Variants in GALNT14 observed in about 807,000 individuals in gnomAD.
GALNT14 encodes the protein UDP-GalNAc:polypeptide N-acetylgalactosaminyltransferase 14.
Under a neutral mutation model 77.5 loss-of-function variants are expected in GALNT14, and 60 were observed. That is an observed-to-expected ratio of 0.77 (90% CI 0.63 to 0.96). GALNT14 has a LOEUF of 0.96. Among genes scored for constraint, GALNT14 ranks in the 40% least tolerant of loss-of-function variants. The pLI, the probability that GALNT14 is intolerant of heterozygous loss-of-function variation, is 0.00. For synonymous variants in GALNT14, 280 were observed against 281.7 expected (o/e 0.99, Z 0.06); for missense variants, 710 against 731.0 (o/e 0.97, Z 0.33).
intron 14 of GALNT14, 142 bp downstream of exon 14, chr2:30,912,081 A>T: frequency 5.9e-6 from 6 of 1,010,830 alleles, no homozygotes; most frequent in Non-Finnish European, 8.8e-6. Flanking sequence ...CCCAGGCAGC[A>T]CTTTCCCTCC....
chr2:31,086,363 T>C (rs1366134652), intron 1 of GALNT14, among the ~76,000 whole-genome samples: 2 of 152,206 alleles, frequency 1.3e-5, no homozygotes. Flanking sequence ...GTCTCAGCCA[T>C]GCTCCTCATC....
At chr2:30,929,819 A>G (rs1188219103) in intron 10 of GALNT14, among the ~76,000 whole-genome samples, 1 of 152,190 alleles carries the variant, frequency 6.6e-6, no homozygotes, top group African/African-American at 2.4e-5. Flanking sequence ...TGGGGATGGG[A>G]CTCACATCTA....
At chr2:31,007,264 T>G (rs1269937673) in intron 1 of GALNT14, among the ~76,000 whole-genome samples, 5 of 151,848 alleles carry the variant, frequency 3.3e-5, no homozygotes, top group Non-Finnish European at 7.4e-5. Context: ...CTGGGAGAAA[T>G]CCTACATGCC....
At chr2:30,987,097 A>G (rs2886300) in intron 2 of GALNT14, 108,132 of 152,098 alleles carry the variant, frequency 0.71, 39,340 homozygotes, top group African/African-American at 0.87. Flanking sequence ...GAGGCTGAGA[A>G]GAGCAGGGAT....
At chr2:30,906,202 C>A (rs1374973421), downstream of GALNT14, among the ~76,000 whole-genome samples, 5 of 149,912 alleles carry the variant, frequency 3.3e-5, no homozygotes, top group Non-Finnish European at 7.4e-5. Flanking sequence ...ATCAAATTCA[C>A]ACATAACAAT....
intron 1 of GALNT14, among the ~76,000 whole-genome samples, chr2:31,058,323 A>G (rs929158808): frequency 4.6e-5 from 7 of 151,986 alleles, no homozygotes; most frequent in African/African-American, 1.7e-4. Flanking sequence ...TGGGCGAATT[A>G]GGTGGGACAG....
chr2:30,974,778 C>A (rs1668542157), intron 2 of GALNT14, among the ~76,000 whole-genome samples: 1 of 152,222 alleles, frequency 6.6e-6, no homozygotes, highest in East Asian at 1.9e-4. Flanking sequence ...TCTGTCTCCT[C>A]TACCGACTGT....
chr2:31,035,285 T>C (rs1020305228), intron 1 of GALNT14, among the ~76,000 whole-genome samples: 4 of 152,184 alleles, frequency 2.6e-5, no homozygotes. Context: ...TGCCATTAGA[T>C]GCATATATGT....
intron 2 of GALNT14, among the ~76,000 whole-genome samples, chr2:30,981,434 G>A (rs776611893): frequency 5.3e-5 from 8 of 152,192 alleles, no homozygotes; most frequent in Non-Finnish European, 1.0e-4. Flanking sequence ...TAATAGGTCC[G>A]GGGCTTTCAG....
intron 13 of GALNT14, 122 bp from the exon 14 acceptor site, chr2:30,912,464 G>T: frequency 9.1e-7 from 1 of 1,093,648 alleles, no homozygotes; most frequent in Non-Finnish European, 1.3e-6. Context: ...GTCCCAGTAG[G>T]CAATGATCAT....
intron 1 of GALNT14, among the ~76,000 whole-genome samples, chr2:31,089,537 T>A (rs1676624525): frequency 6.6e-6 from 1 of 151,028 alleles, no homozygotes; most frequent in African/African-American, 2.4e-5. Context: ...TTTGGATTTA[T>A]TTTTTTTTCT....
In GALNT14 at chr2:31,043,573, G is replaced by C. The variant is rs116853250; in HGVS notation, c.130-50566C>G. Among the ~76,000 whole-genome samples, 165 of 152,234 alleles carry C rather than the reference G, an allele frequency of 1.1e-3. 8 individuals carry two copies. In the East Asian group the frequency reaches 0.025, roughly 23 times the overall value. On this transcript the variant is annotated intron_variant, in intron 1 of 14. Coordinates refer to ENST00000349752, the MANE Select transcript of GALNT14 (RefSeq NM_024572.4). ...GAAGCAATGGATCTGGTCCCTGCAGGGGCCATGGTCTGGCTGTGGGGCTCC... is the reference window on the plus strand; with the variant it reads ...GAAGCAATGGATCTGGTCCCTGCAGCGGCCATGGTCTGGCTGTGGGGCTCC...
chr2:30,978,197 C>G (rs765907625), intron 2 of GALNT14, among the ~76,000 whole-genome samples: 16 of 152,230 alleles, frequency 1.1e-4, no homozygotes, highest in Admixed American at 5.9e-4. Context: ...CCACAAACCT[C>G]CCTAGATTCT....
chr2:30,905,496 C>A (rs991970700), downstream of GALNT14, among the ~76,000 whole-genome samples: 1,320 of 150,912 alleles, frequency 8.7e-3, 19 homozygotes, highest in African/African-American at 0.03. Context: ...TGAAGCGAGA[C>A]GGCAAGTTTA....
intron 1 of GALNT14, among the ~76,000 whole-genome samples, chr2:30,997,443 T>G (rs1341070449): frequency 6.6e-6 from 1 of 152,184 alleles, no homozygotes; most frequent in Non-Finnish European, 1.5e-5. Context: ...TGAACACACA[T>G]GCTCACCTTC....
chr2:31,055,154 G>A (rs1055161343), intron 1 of GALNT14, among the ~76,000 whole-genome samples: 1 of 152,154 alleles, frequency 6.6e-6, no homozygotes, highest in South Asian at 2.1e-4. Flanking sequence ...ATTATTATTC[G>A]CAGCACAGAT....
At chr2:30,951,907 G>A (rs1178536065) in intron 6 of GALNT14, among the ~76,000 whole-genome samples, 2 of 152,158 alleles carry the variant, frequency 1.3e-5, no homozygotes, top group Admixed American at 1.3e-4. Flanking sequence ...AACTGAGAGG[G>A]TAAGGGGTCT....
intron 1 of GALNT14, among the ~76,000 whole-genome samples, chr2:31,012,463 A>G (rs527601542): frequency 2.0e-5 from 3 of 152,272 alleles, no homozygotes; most frequent in Admixed American, 6.5e-5. Flanking sequence ...TCTCTCTGAG[A>G]GGTTGGTAAT....
At chr2:30,914,618 T>C (rs1664564395) in intron 13 of GALNT14, among the ~76,000 whole-genome samples, 1 of 152,194 alleles carries the variant, frequency 6.6e-6, no homozygotes, top group Non-Finnish European at 1.5e-5. Context: ...AACCATAGGA[T>C]ACACACAGTG....
Sources: gnomAD v4.1 joint callset for allele counts (sites outside exome capture counted in the v4.1 genomes callset) on GRCh38, gnomAD v4.1.1 for gene constraint, MANE v1.5 for transcripts, NCBI Gene and HGNC (gene_info 2026-07-23, HGNC 2026-07-21) for gene names.